SPEF2: variants seen among roughly 807,000 people sequenced by gnomAD.
SPEF2 encodes the protein sperm flagella and cilia-associated protein 2.
SPEF2 carries 187 observed loss-of-function variants against 224.6 expected under a neutral mutation model. The observed-to-expected ratio is 0.83, with a 90% CI of 0.74 to 0.94. The LOEUF is 0.94. Among genes scored for constraint, SPEF2 ranks in the 40% least tolerant of loss-of-function variants. The pLI is 0.00. For missense variants in SPEF2, 2,170 were observed against 2,135.6 expected, an observed-to-expected ratio of 1.02 and a Z score of -0.32; for synonymous variants, 715 against 707.3, an observed-to-expected ratio of 1.01 and a Z score of -0.17.
intron 36 of SPEF2, among the ~76,000 whole-genome samples, chr5:35,808,881 C>CATATATATATATATATATATATAT (rs34389759): frequency 7.0e-6 from 1 of 143,326 alleles, no homozygotes; most frequent in African/African-American, 2.6e-5. Context: ...TTGGGTTTTA[C>CATATATATATATATATATATATAT]ATATATATAT....
chr5:35,664,219 C>T (rs1236536547), intron 8 of SPEF2, among the ~76,000 whole-genome samples: 1 of 150,370 alleles, frequency 6.7e-6, no homozygotes, highest in Admixed American at 6.6e-5. Flanking sequence ...TTTGCCTATC[C>T]CACTGGCATG....
intron 12 of SPEF2, 101 bp downstream of exon 12, chr5:35,692,825 A>G: frequency 9.3e-7 from 1 of 1,076,638 alleles, no homozygotes; most frequent in Non-Finnish European, 1.3e-6. Flanking sequence ...TTTCTTCTGT[A>G]CAGACCCAGA....
At chr5:35,716,114 T>C (rs1210150257) in intron 20 of SPEF2, among the ~76,000 whole-genome samples, 2 of 151,962 alleles carry the variant, frequency 1.3e-5, no homozygotes, top group African/African-American at 4.8e-5. Flanking sequence ...AAACATAACA[T>C]GCTAAAATCG....
chr5:35,759,856 G>GT (rs11427107), intron 25 of SPEF2, 137 bp downstream of exon 25: 280,516 of 583,480 alleles, frequency 0.48, 47,157 homozygotes, highest in Admixed American at 0.55. Flanking sequence ...AACCAAACAT[G>GT]TTTTTTTTTT....
chr5:35,731,291 T>C (rs868239906), intron 21 of SPEF2, among the ~76,000 whole-genome samples: 5 of 152,270 alleles, frequency 3.3e-5, no homozygotes, highest in Middle Eastern at 3.4e-3. Flanking sequence ...ACAGAATCAG[T>C]CATGAAGTCA....
rs763040388 is a variant in SPEF2 at position 35,779,205 on chromosome 5, T to C, written c.4306T>C (p.Phe1436Leu). The C allele has an allele frequency of 2.5e-6, 4 of 1,613,930 alleles. No homozygotes were observed. The South Asian group carries it at 4.4e-5, about 18-fold the overall frequency. ...ACTTTATTTAAGCCAAGAAGACTTC[T>C]TCATTAATGGCAATATAAAAGTCTT... ...NELYLSQEDFFINGNIKVFPD... is the reference protein window; with the variant it reads ...NELYLSQEDFLINGNIKVFPD... Residue 1436 changes from phenylalanine (F) to leucine (L), a missense_variant, in exon 30 of 37, where the codon TTC becomes CTC. By Grantham distance (22) the Phe-to-Leu change is conservative. Transcript: ENST00000356031.
At chr5:35,713,866 GTAT>G (rs370580309) in intron 20 of SPEF2, among the ~76,000 whole-genome samples, 1 of 1,052 alleles carries the variant, frequency 9.5e-4, no homozygotes, top group South Asian at 0.014. Context: ...ATTATATATA[GTAT>G]TATATATTTT....
Position 35,776,600 on chromosome 5 carries a change from G to A in SPEF2, c.4217+205G>A, listed in dbSNP as rs189747212. 4.8e-3 allele frequency among the ~76,000 whole-genome samples: 725 copies of A among 152,168 alleles called. 5 individuals are homozygous for A. The highest frequency in any genetic ancestry group is 0.017 in the African/African-American group (688 of 41,516). ...TTCTAACAGTAAATCATGCATCAAA[G>A]GGTTCTATTGCTATATTAAACTTTG... On this transcript the variant is annotated intron_variant, in intron 29 of 36. Transcript: ENST00000356031.
At chr5:35,798,560 G>A (rs1580777425) in intron 33 of SPEF2, among the ~76,000 whole-genome samples, 1 of 152,026 alleles carries the variant, frequency 6.6e-6, no homozygotes, top group East Asian at 1.9e-4. Flanking sequence ...TCCTTGGCCT[G>A]CTCTTTTTTC....
At chr5:35,703,569 G>A (rs938243632) in intron 16 of SPEF2, among the ~76,000 whole-genome samples, 1 of 151,918 alleles carries the variant, frequency 6.6e-6, no homozygotes, top group Non-Finnish European at 1.5e-5. Flanking sequence ...CACGAGTGAA[G>A]GGAAGGGGAA....
rs542262577 is a variant in SPEF2 at position 35,741,060 on chromosome 5, A to T, written c.3330+793A>T. Among the ~76,000 whole-genome samples the T allele has an allele frequency of 1.6e-4, 24 of 152,326 alleles. No individual in the cohort carries two copies. The East Asian group carries it at 4.6e-3, about 29-fold the overall frequency. ...AATAAATACTTATTGAGCATCTATT[A>T]TGGTCCTAGCACCATTAAAGAGGCT... On this transcript the variant is annotated intron_variant, in intron 23 of 36. Transcript: ENST00000356031.
At chr5:35,798,302 T>C (rs1472454296) in intron 33 of SPEF2, among the ~76,000 whole-genome samples, 1 of 152,168 alleles carries the variant, frequency 6.6e-6, no homozygotes, top group Non-Finnish European at 1.5e-5. Context: ...CTGTTGCCTT[T>C]CATTTCACCT....
At position 35,654,829 on chromosome 5, in the gene SPEF2, C is replaced by T. The variant is rs951619254; in HGVS notation, c.978+103C>T. On this transcript the variant is annotated intron_variant, in intron 7 of 36. Transcript: ENST00000356031. Reference sequence around the variant, plus strand: ...GTTTATATATGTATTGTCTGCTACTCTGCATCAAATGTCACTTTCACATCC... The same window carrying T: ...GTTTATATATGTATTGTCTGCTACTTTGCATCAAATGTCACTTTCACATCC... 10 of 984,636 alleles carry T rather than the reference C, an allele frequency of 1.0e-5. No individual in the cohort carries two copies. The African/African-American group carries it at 1.7e-4, about 16-fold the overall frequency. 61.0% of individuals were successfully genotyped at this position (984,636 alleles called of 1,614,324 possible). A position where few individuals can be genotyped will look rare whatever the true frequency, so the allele number is the denominator to read the frequency against.
chr5:35,722,536 A>G (rs1181132211), intron 20 of SPEF2, among the ~76,000 whole-genome samples: 1 of 146,790 alleles, frequency 6.8e-6, no homozygotes, highest in Non-Finnish European at 1.5e-5. Context: ...CACATTATGC[A>G]GGTTAGTTAC....
intron 10 of SPEF2, chr5:35,675,834 T>C (rs1334611623): frequency 4.5e-6 from 2 of 443,824 alleles, no homozygotes; most frequent in East Asian, 1.4e-4. Flanking sequence ...AGGTCCGTGG[T>C]TACCAAGAAA....
chr5:35,723,073 C>A (rs1042077557), intron 20 of SPEF2, among the ~76,000 whole-genome samples: 25 of 152,016 alleles, frequency 1.6e-4, no homozygotes, highest in Middle Eastern at 3.4e-3. Flanking sequence ...AGTTTGAATC[C>A]CAGGTTCCAC....
chr5:35,697,115 G>C (rs2149550269), intron 14 of SPEF2, among the ~76,000 whole-genome samples: 2 of 152,298 alleles, frequency 1.3e-5, no homozygotes, highest in East Asian at 3.9e-4. Flanking sequence ...TTCTTACTCT[G>C]GTGGCTGAGC....
chr5:35,787,984 T>C (rs1755403557), intron 30 of SPEF2: 1 of 654,074 alleles, frequency 1.5e-6, no homozygotes, highest in East Asian at 2.7e-5. Context: ...TTAAAAAATA[T>C]CCATGGCTTA....
At chr5:35,629,360 T>C (rs903520023) in intron 2 of SPEF2, among the ~76,000 whole-genome samples, 31 of 151,750 alleles carry the variant, frequency 2.0e-4, no homozygotes, top group African/African-American at 7.3e-4. Context: ...GGTTTCACCG[T>C]GTTAGCCAGG....
Sources: allele counts gnomAD v4.1 joint callset (sites outside exome capture counted in the v4.1 genomes callset), GRCh38; gene constraint gnomAD v4.1.1; transcripts MANE v1.5; gene names NCBI Gene and HGNC (gene_info 2026-07-23, HGNC 2026-07-21).